The following RAB27A variants were observed in gnomAD, a reference collection of about 807,000 sequenced individuals.
RAB27A encodes the protein RAB27A, member RAS oncogene family, also known as ras-related protein Rab-27A.
Under a neutral mutation model 20.8 loss-of-function variants are expected in RAB27A, and 17 were observed. The observed-to-expected ratio is 0.82, with a 90% confidence interval of 0.56 to 1.23. The LOEUF (loss-of-function observed/expected upper bound fraction) is 1.23, where lower values mean the gene tolerates loss of function less well. Ranked by LOEUF, RAB27A falls within the 50% of genes most tolerant of loss-of-function variation. RAB27A has a pLI of 0.00. For missense variants in RAB27A, 277 were observed against 266.7 expected, an observed-to-expected ratio of 1.04 and a Z score of -0.27; for synonymous variants, 85 against 92.8, an observed-to-expected ratio of 0.92 and a Z score of 0.48.
Position 55,264,208 on chromosome 15 carries a change from A to G in RAB27A, c.-23+5957T>C, listed in dbSNP as rs546478004. On this transcript the variant is annotated intron_variant, in intron 2 of 6. Coordinates refer to ENST00000336787, the MANE Select transcript of RAB27A (RefSeq NM_183235.3). The stretch of plus-strand genomic sequence containing the variant: ...TGGGAGTACAGGCATGCACCACCAC[A>G]TCCGGTTAATTTTTCTATTTTTAGT... Among the ~76,000 whole-genome samples the G allele has an allele frequency of 5.3e-5, 8 of 152,030 alleles. No individual in the cohort carries two copies. In the East Asian group the frequency reaches 1.2e-3, roughly 22 times the overall value.
At chr15:55,277,236 A>T (rs1897899014) in intron 1 of RAB27A, among the ~76,000 whole-genome samples, 1 of 152,214 alleles carries the variant, frequency 6.6e-6, no homozygotes, top group Non-Finnish European at 1.5e-5. Context: ...GACTAGATGT[A>T]TAAACTACTG....
chr15:55,206,253 T>A, intron 6 of RAB27A: 1 of 666,162 alleles, frequency 1.5e-6, no homozygotes. Flanking sequence ...ATATATATTT[T>A]GGCAATACAT....
At chr15:55,252,397 A>C (rs1424304087) in intron 2 of RAB27A, among the ~76,000 whole-genome samples, 1 of 152,074 alleles carries the variant, frequency 6.6e-6, no homozygotes, top group African/African-American at 2.4e-5. Context: ...TGAGGCCAGG[A>C]GTTCAACAGC....
intron 2 of RAB27A, among the ~76,000 whole-genome samples, chr15:55,311,867 G>A (rs2055022214): frequency 6.6e-6 from 1 of 152,152 alleles, no homozygotes. Context: ...ATCCCTTCGT[G>A]GTCACCAAAT....
At chr15:55,228,737 C>A in intron 4 of RAB27A, 25 bp from the exon 5 acceptor site, 2 of 1,519,758 alleles carry the variant, frequency 1.3e-6, no homozygotes, top group South Asian at 2.2e-5. Flanking sequence ...GCAGAATGGT[C>A]AGTTAAACCA....
chr15:55,303,031 G>T (rs1232337220), intron 2 of RAB27A, among the ~76,000 whole-genome samples: 1 of 146,562 alleles, frequency 6.8e-6, no homozygotes, highest in South Asian at 2.2e-4. Flanking sequence ...CCGGGAGGGA[G>T]GTGGGGGATC....
chr15:55,233,474 T>C (rs1326551928), intron 3 of RAB27A, among the ~76,000 whole-genome samples: 5 of 152,194 alleles, frequency 3.3e-5, no homozygotes, highest in Non-Finnish European at 5.9e-5. Context: ...GGTGTATCAA[T>C]ACAATAGAAT....
intron 1 of RAB27A, among the ~76,000 whole-genome samples, chr15:55,285,860 T>A (rs987495798): frequency 2.0e-5 from 3 of 152,220 alleles, no homozygotes; most frequent in Non-Finnish European, 2.9e-5. Flanking sequence ...ACCCTGGAGA[T>A]AGGCACTGAA....
At chr15:55,263,958 A>G (rs918624027) in intron 2 of RAB27A, among the ~76,000 whole-genome samples, 4 of 152,250 alleles carry the variant, frequency 2.6e-5, no homozygotes, top group Admixed American at 2.6e-4. Flanking sequence ...AAACCACATT[A>G]AACATCGTAA....
At chr15:55,278,479 A>AT (rs1256121921) in intron 1 of RAB27A, among the ~76,000 whole-genome samples, 2 of 106,500 alleles carry the variant, frequency 1.9e-5, no homozygotes, top group East Asian at 4.9e-4. Flanking sequence ...TCTAATCATT[A>AT]TTATTTTTTT....
intron 3 of RAB27A, among the ~76,000 whole-genome samples, chr15:55,232,127 T>C (rs1304370229): frequency 6.6e-6 from 1 of 152,140 alleles, no homozygotes; most frequent in Non-Finnish European, 1.5e-5. Context: ...TGCAGTAGTA[T>C]TAAACACATA....
chr15:55,247,567 C>G (rs892833438), intron 2 of RAB27A, among the ~76,000 whole-genome samples: 3 of 152,136 alleles, frequency 2.0e-5, no homozygotes, highest in Admixed American at 6.5e-5. Flanking sequence ...TCAACTTCCT[C>G]AAGTTTTCTG....
intron 2 of RAB27A, among the ~76,000 whole-genome samples, chr15:55,312,973 C>G (rs2055027558): frequency 6.6e-6 from 1 of 152,138 alleles, no homozygotes; most frequent in African/African-American, 2.4e-5. Context: ...CTGTCATAGC[C>G]CTGACAGAGG....
chr15:55,309,885 T>C (rs2055012925), intron 2 of RAB27A, among the ~76,000 whole-genome samples: 1 of 152,002 alleles, frequency 6.6e-6, no homozygotes, highest in South Asian at 2.1e-4. Flanking sequence ...TCCTTAACAA[T>C]TTTTTGGAGT....
intron 4 of RAB27A, 112 bp from the exon 5 acceptor site, chr15:55,228,824 T>A (rs1039777876): frequency 2.6e-6 from 2 of 758,592 alleles, no homozygotes; most frequent in African/African-American, 3.5e-5. Flanking sequence ...ACAAGCTACA[T>A]GGTGATATTT....
chr15:55,280,746 G>C (rs557432580), intron 1 of RAB27A, among the ~76,000 whole-genome samples: 7 of 151,886 alleles, frequency 4.6e-5, no homozygotes, highest in African/African-American at 1.7e-4. Flanking sequence ...CTATGAGTCA[G>C]AACATGTGGT....
intron 2 of RAB27A, among the ~76,000 whole-genome samples, chr15:55,302,112 G>T (rs570472384): frequency 3.6e-4 from 54 of 151,606 alleles, no homozygotes; most frequent in South Asian, 1.3e-3. Context: ...GGGAGGCAAA[G>T]GTTGCAGTGA....
At chr15:55,305,740 T>C (rs113521090) in intron 2 of RAB27A, among the ~76,000 whole-genome samples, 8,695 of 152,268 alleles carry the variant, frequency 0.057, 316 homozygotes, top group East Asian at 0.15. Flanking sequence ...TAAAACTCTT[T>C]GATTTTGAAG....
intron 6 of RAB27A, among the ~76,000 whole-genome samples, chr15:55,207,866 A>G (rs1260433745): frequency 1.3e-5 from 2 of 152,136 alleles, no homozygotes; most frequent in African/African-American, 4.8e-5. Flanking sequence ...CATGTTGGCC[A>G]GGCTGGTCTC....
Sources: gnomAD v4.1 joint callset for allele counts (sites outside exome capture counted in the v4.1 genomes callset) on GRCh38, gnomAD v4.1.1 for gene constraint, MANE v1.5 for transcripts, NCBI Gene and HGNC (gene_info 2026-07-23, HGNC 2026-07-21) for gene names.